Variants in MAPK4 observed in about 807,000 individuals in gnomAD.
MAPK4 encodes the protein Erk3-related.
A neutral mutation model predicts 47.7 loss-of-function variants in MAPK4; 22 were observed. The ratio of observed to expected loss-of-function variants is 0.46; its 90% CI spans 0.33 to 0.66. MAPK4 has a LOEUF of 0.66. MAPK4 is among the 30% of genes least tolerant of loss of function. The probability of loss-of-function intolerance (pLI) is 0.02; values close to 1 mark genes in which losing one functional copy is unlikely to be tolerated. For missense variants in MAPK4, 736 were observed against 831.7 expected (o/e 0.88, Z 1.42); for synonymous variants, 390 against 365.7 (o/e 1.07, Z -0.76).
chr18:50,715,087 G>T lies in MAPK4; in HGVS notation c.555G>T (p.Leu185=). 6.2e-7 allele frequency: 1 copy of T among 1,613,928 alleles called. No individual in the cohort carries two copies. Among genetic ancestry groups the T allele is most frequent in the African/African-American group, 1.3e-5 (1 of 75,028 alleles). The change falls in exon 3 of 6, where the codon CTG becomes CTT. Residue 185 remains leucine (L), a synonymous_variant. Coordinates refer to ENST00000400384, the MANE Select transcript of MAPK4 (RefSeq NM_002747.4). ...GAAATTTTGTCTTTCAGGGTTATCT[G>T]TCAGAAGGGTTGGTAACAAAGTGGT... ...VDQHYSHKGY[L]SEGLVTKWYR...
At chr18:50,674,029 G>C (rs1412334260) in intron 2 of MAPK4, among the ~76,000 whole-genome samples, 1 of 152,090 alleles carries the variant, frequency 6.6e-6, no homozygotes, top group African/African-American at 2.4e-5. Flanking sequence ...TTATTAAATG[G>C]AATGAAGTGG....
intron 1 of MAPK4, among the ~76,000 whole-genome samples, chr18:50,627,585 A>G (rs1202568940): frequency 6.6e-6 from 1 of 152,188 alleles, no homozygotes; most frequent in Non-Finnish European, 1.5e-5. Context: ...GTTGCTTATA[A>G]GGACCCCTTG....
chr18:50,570,537 A>G (rs548276012), intron 1 of MAPK4, among the ~76,000 whole-genome samples: 182 of 152,248 alleles, frequency 1.2e-3, no homozygotes, highest in Non-Finnish European at 1.8e-3. Context: ...TTCCATTCAA[A>G]CTGGACCCCA....
intron 2 of MAPK4, among the ~76,000 whole-genome samples, chr18:50,677,064 G>GGCATTA (rs1356115626): frequency 3.9e-5 from 6 of 152,248 alleles, no homozygotes; most frequent in African/African-American, 1.4e-4. Flanking sequence ...GAGTCTCATA[G>GGCATTA]GAGCTCTAAC....
At chr18:50,559,693 T>C (rs1272573972), upstream of MAPK4, among the ~76,000 whole-genome samples, 4 of 138,620 alleles carry the variant, frequency 2.9e-5, no homozygotes, top group African/African-American at 1.1e-4. Context: ...AGATCCCCGC[T>C]TCCCGCCTTC....
intron 1 of MAPK4, among the ~76,000 whole-genome samples, chr18:50,661,542 A>G (rs1289474123): frequency 1.3e-5 from 2 of 152,172 alleles, no homozygotes; most frequent in African/African-American, 2.4e-5. Flanking sequence ...ATCAGAATCG[A>G]TGTTTCTCAG....
chr18:50,729,334 C>T lies in MAPK4; in HGVS notation c.1244C>T (p.Ser415Phe), dbSNP rs1911394388. Residue 415 changes from serine (S) to phenylalanine (F), a missense_variant, in exon 6 of 6, where the codon TCC becomes TTC. By Grantham distance (155) the Ser-to-Phe change is radical (BLOSUM62 -2). Coordinates refer to ENST00000400384, the MANE Select transcript of MAPK4 (RefSeq NM_002747.4). ...CGCTTCCTAGAGCAGTCGCACTCGT[C>T]CATGGAGCGCGCCTTCGAGGCCGAC... ...SERFLEQSHS[S>F]MERAFEADYG... 1 of 1,592,424 alleles carries T rather than the reference C, an allele frequency of 6.3e-7. No homozygotes were observed. The highest frequency in any genetic ancestry group is 8.6e-7 in the Non-Finnish European group (1 of 1,169,234).
At chr18:50,609,277 A>G (rs1347674206) in intron 1 of MAPK4, among the ~76,000 whole-genome samples, 5 of 151,588 alleles carry the variant, frequency 3.3e-5, no homozygotes, top group Non-Finnish European at 5.9e-5. Flanking sequence ...GGGGCTCCTC[A>G]CTTCCCAGAA....
intron 2 of MAPK4, among the ~76,000 whole-genome samples, chr18:50,693,981 A>T (rs1909371549): frequency 6.6e-6 from 1 of 152,190 alleles, no homozygotes; most frequent in African/African-American, 2.4e-5. Context: ...CTGCTGTAGG[A>T]TGCAGAGAAG....
At chr18:50,689,224 C>T (rs1369268683) in intron 2 of MAPK4, among the ~76,000 whole-genome samples, 1 of 147,610 alleles carries the variant, frequency 6.8e-6, no homozygotes, top group Non-Finnish European at 1.5e-5. Flanking sequence ...GGCGAAACCC[C>T]GTCTCTACTA....
intron 1 of MAPK4, among the ~76,000 whole-genome samples, chr18:50,623,337 G>A (rs1041891460): frequency 6.6e-6 from 1 of 152,214 alleles, no homozygotes; most frequent in Non-Finnish European, 1.5e-5. Context: ...TATTAACATT[G>A]TGCAGCAGTG....
intron 1 of MAPK4, among the ~76,000 whole-genome samples, chr18:50,645,353 C>T (rs1013832874): frequency 6.6e-6 from 1 of 152,128 alleles, no homozygotes; most frequent in Non-Finnish European, 1.5e-5. Flanking sequence ...AGGTGAACGC[C>T]AACGTGCTGT....
chr18:50,695,925 T>G (rs1909489769), intron 2 of MAPK4, among the ~76,000 whole-genome samples: 1 of 152,098 alleles, frequency 6.6e-6, no homozygotes, highest in South Asian at 2.1e-4. Context: ...CTGAGGAAAC[T>G]GAGGCTCAGA....
At chr18:50,643,485 T>C (rs2042958994) in intron 1 of MAPK4, among the ~76,000 whole-genome samples, 1 of 152,266 alleles carries the variant, frequency 6.6e-6, no homozygotes, top group African/African-American at 2.4e-5. Context: ...GTCGCGCCAC[T>C]GCGCTCCAGC....
intron 1 of MAPK4, among the ~76,000 whole-genome samples, chr18:50,594,169 C>A (rs1031715884): frequency 2.0e-5 from 3 of 152,174 alleles, no homozygotes; most frequent in Non-Finnish European, 2.9e-5. Flanking sequence ...GGCAGCTTAT[C>A]CCATCTTCTT....
intron 1 of MAPK4, among the ~76,000 whole-genome samples, chr18:50,589,738 C>T (rs2042420956): frequency 6.6e-6 from 1 of 152,158 alleles, no homozygotes; most frequent in African/African-American, 2.4e-5. Context: ...GGTTCTCTTT[C>T]AGTTTCAGTC....
chr18:50,675,316 ATTTTT>A (rs543288077), intron 2 of MAPK4, among the ~76,000 whole-genome samples: 1 of 128,428 alleles, frequency 7.8e-6, no homozygotes, highest in African/African-American at 2.9e-5. Flanking sequence ...TTGGCAAACC[ATTTTT>A]TTTTTTTTTT....
At chr18:50,578,696 G>T (rs903477813) in intron 1 of MAPK4, among the ~76,000 whole-genome samples, 24 of 152,228 alleles carry the variant, frequency 1.6e-4, no homozygotes, top group Admixed American at 9.2e-4. Flanking sequence ...AAGCTTTGCT[G>T]CTATAAGGAA....
intron 1 of MAPK4, among the ~76,000 whole-genome samples, chr18:50,579,681 G>T (rs2042326958): frequency 6.6e-6 from 1 of 152,136 alleles, no homozygotes; most frequent in Non-Finnish European, 1.5e-5. Flanking sequence ...CCTTCAATTT[G>T]GGGGCTTACC....
Sources: gnomAD v4.1 joint callset for allele counts (sites outside exome capture counted in the v4.1 genomes callset) on GRCh38, gnomAD v4.1.1 for gene constraint, MANE v1.5 for transcripts, NCBI Gene and HGNC (gene_info 2026-07-23, HGNC 2026-07-21) for gene names.